GRM7: variants seen among roughly 807,000 people sequenced by gnomAD.
GRM7 encodes glutamate metabotropic receptor 7, also known as metabotropic glutamate receptor 7.
In GRM7, 35 loss-of-function variants were observed where a neutral mutation model predicts 84.5. The ratio of observed to expected loss-of-function variants is 0.41; its 90% CI spans 0.32 to 0.55. GRM7 has a LOEUF of 0.55. GRM7 is among the 20% of genes least tolerant of loss of function. The pLI, the probability that GRM7 is intolerant of heterozygous loss-of-function variation, is 0.19. For synonymous variants in GRM7, 487 were observed against 455.1 expected, an observed-to-expected ratio of 1.07 and a Z score of -0.89; for missense variants, 1,003 against 1,194.6, an observed-to-expected ratio of 0.84 and a Z score of 2.36.
intron 1 of GRM7, among the ~76,000 whole-genome samples, chr3:7,126,113 A>T (rs1693390314): frequency 6.6e-6 from 1 of 152,154 alleles, no homozygotes; most frequent in African/African-American, 2.4e-5. Flanking sequence ...TCACACTGGA[A>T]ATAGCTCAAA....
chr3:7,644,008 A>G (rs1420835367), intron 8 of GRM7, among the ~76,000 whole-genome samples: 1 of 80,374 alleles, frequency 1.2e-5, no homozygotes, highest in African/African-American at 5.3e-5. Flanking sequence ...TGCACCATGT[A>G]TATATATATA....
chr3:7,584,450 G>A (rs1695416254), intron 8 of GRM7, among the ~76,000 whole-genome samples: 2 of 152,152 alleles, frequency 1.3e-5, no homozygotes, highest in Non-Finnish European at 2.9e-5. Context: ...TCATTTTGTA[G>A]GGCTGGACTC....
chr3:7,631,600 A>G (rs1559451297), intron 8 of GRM7, among the ~76,000 whole-genome samples: 1 of 152,140 alleles, frequency 6.6e-6, no homozygotes, highest in East Asian at 1.9e-4. Flanking sequence ...TAAAATAAAC[A>G]AGGCTTTTTC....
chr3:7,177,408 C>T (rs2648634), intron 2 of GRM7, among the ~76,000 whole-genome samples: 152,291 of 152,292 alleles, frequency 1, 76,145 homozygotes, highest in Non-Finnish European at 1. Context: ...TGTATCTCTT[C>T]TGCTGCTGCG....
intron 8 of GRM7, among the ~76,000 whole-genome samples, chr3:7,588,203 T>G (rs953316529): frequency 2.0e-5 from 3 of 152,206 alleles, no homozygotes; most frequent in Non-Finnish European, 4.4e-5. Context: ...AACACTAGTT[T>G]CTTCTGAGTA....
chr3:7,631,333 A>G (rs1008088621), intron 8 of GRM7, among the ~76,000 whole-genome samples: 2 of 151,526 alleles, frequency 1.3e-5, no homozygotes, highest in South Asian at 2.1e-4. Flanking sequence ...GGCAGTAGGG[A>G]GTATTCAGGA....
At chr3:7,240,768 G>A (rs1232200097) in intron 2 of GRM7, among the ~76,000 whole-genome samples, 1 of 152,134 alleles carries the variant, frequency 6.6e-6, no homozygotes, top group African/African-American at 2.4e-5. Flanking sequence ...AAGCCCAAAT[G>A]TAGACACATG....
At chr3:6,901,698 G>A (rs1574991969) in intron 1 of GRM7, among the ~76,000 whole-genome samples, 1 of 138,540 alleles carries the variant, frequency 7.2e-6, no homozygotes. Flanking sequence ...GTTTTGATTT[G>A]TAATATATGT....
intron 8 of GRM7, among the ~76,000 whole-genome samples, chr3:7,598,459 A>G (rs1357134389): frequency 6.6e-6 from 1 of 152,174 alleles, no homozygotes; most frequent in Non-Finnish European, 1.5e-5. Flanking sequence ...TTTATCCAGC[A>G]TTCTCCCCAG....
Position 7,716,227 on chromosome 3 carries a change from G to A in GRM7, c.2699-24130G>A, listed in dbSNP as rs1419333807. On this transcript the variant is annotated intron_variant, in intron 9 of 9. Transcript: ENST00000357716. ...CCATGTCCATTTGCATTCTGCTAATGGCACACAAGCTGTCTCCTTCTTACA... is the reference window on the plus strand; with the variant it reads ...CCATGTCCATTTGCATTCTGCTAATAGCACACAAGCTGTCTCCTTCTTACA... Among the ~76,000 whole-genome samples the A allele has an allele frequency of 4.6e-5, 7 of 152,194 alleles. No individual in the cohort carries two copies. The East Asian group carries it at 1.4e-3, about 29-fold the overall frequency.
intron 9 of GRM7, among the ~76,000 whole-genome samples, chr3:7,700,715 C>A: frequency 6.6e-6 from 1 of 152,252 alleles, no homozygotes. Context: ...AGTTTCTGCA[C>A]TGATGAAAGG....
Position 7,408,950 on chromosome 3 carries a change from T to C in GRM7, c.1034-6073T>C, listed in dbSNP as rs1695797663. On this transcript the variant is annotated intron_variant, in intron 4 of 9. Coordinates refer to ENST00000357716, the MANE Select transcript of GRM7 (RefSeq NM_000844.4). ...CAACTGGTTGCTGTTTATTAGACAATTATTAAAACGCATTGTTTTGCTAGT... is the reference window on the plus strand; with the variant it reads ...CAACTGGTTGCTGTTTATTAGACAACTATTAAAACGCATTGTTTTGCTAGT... Among the ~76,000 whole-genome samples the C allele has an allele frequency of 2.0e-5, 3 of 152,206 alleles. No individual in the cohort carries two copies. In the South Asian group the frequency reaches 6.2e-4, roughly 31 times the overall value.
chr3:7,590,871 G>A (rs1030818367), intron 8 of GRM7, among the ~76,000 whole-genome samples: 6 of 152,056 alleles, frequency 3.9e-5, no homozygotes, highest in East Asian at 1.9e-4. Flanking sequence ...GTTTGTTCAC[G>A]TGTACCTGTA....
intron 1 of GRM7, among the ~76,000 whole-genome samples, chr3:6,986,569 T>A (rs745708738): frequency 8.5e-5 from 13 of 152,212 alleles, no homozygotes; most frequent in Non-Finnish European, 1.5e-4. Context: ...CACACCCTCA[T>A]GTATTTCATA....
chr3:7,455,514 A>G (rs1575362110), intron 6 of GRM7, among the ~76,000 whole-genome samples: 1 of 152,166 alleles, frequency 6.6e-6, no homozygotes, highest in Admixed American at 6.6e-5. Context: ...GATATGATAC[A>G]CTGGCATGCT....
At chr3:7,207,292 T>C (rs1158684096) in intron 2 of GRM7, among the ~76,000 whole-genome samples, 2 of 152,166 alleles carry the variant, frequency 1.3e-5, no homozygotes, top group African/African-American at 2.4e-5. Flanking sequence ...CTGGAGATTC[T>C]GAGTTGATGG....
chr3:7,067,135 G>A (rs6443080), intron 1 of GRM7, among the ~76,000 whole-genome samples: 81,837 of 151,650 alleles, frequency 0.54, 23,202 homozygotes, highest in African/African-American at 0.73. Context: ...CACTCTCACC[G>A]CTCCTCTTCA....
chr3:7,438,299 G>T (rs1697142507), intron 5 of GRM7, among the ~76,000 whole-genome samples: 2 of 151,986 alleles, frequency 1.3e-5, no homozygotes, highest in South Asian at 4.1e-4. Context: ...TGGAGAGAAG[G>T]AGACAACTGT....
intron 1 of GRM7, among the ~76,000 whole-genome samples, chr3:7,021,630 T>C (rs1045210038): frequency 6.6e-6 from 1 of 152,220 alleles, no homozygotes; most frequent in Non-Finnish European, 1.5e-5. Flanking sequence ...AAACCTTGCC[T>C]TAAACAATAT....
Sources: gnomAD v4.1 joint callset for allele counts (sites outside exome capture counted in the v4.1 genomes callset) on GRCh38, gnomAD v4.1.1 for gene constraint, MANE v1.5 for transcripts, NCBI Gene and HGNC (gene_info 2026-07-23, HGNC 2026-07-21) for gene names.